Variants in MPPED2 observed in about 807,000 individuals in gnomAD.
MPPED2 encodes the protein metallophosphoesterase domain containing 2.
A neutral mutation model predicts 33.0 loss-of-function variants in MPPED2; 5 were observed. That is an observed-to-expected ratio of 0.15 (90% CI 0.08 to 0.32). The LOEUF (loss-of-function observed/expected upper bound fraction) is 0.32. Among genes scored for constraint, MPPED2 ranks in the 10% least tolerant of loss-of-function variants. The pLI, the probability that MPPED2 is intolerant of heterozygous loss-of-function variation, is 1.00. For missense variants in MPPED2, 275 were observed against 372.1 expected (o/e 0.74, Z 2.15); for synonymous variants, 136 against 141.9 (o/e 0.96, Z 0.29).
At chr11:30,578,235 T>G (rs1957014753) in intron 2 of MPPED2, among the ~76,000 whole-genome samples, 1 of 152,128 alleles carries the variant, frequency 6.6e-6, no homozygotes, top group African/African-American at 2.4e-5. Context: ...GGCACCAAGA[T>G]GGAAGGTGCT....
intron 6 of MPPED2, among the ~76,000 whole-genome samples, chr11:30,394,184 T>A (rs930040573): frequency 6.6e-5 from 10 of 152,212 alleles, no homozygotes; most frequent in Admixed American, 5.9e-4. Context: ...CTGAAGGATA[T>A]TTGGATTGTT....
At chr11:30,545,932 G>T (rs545366790) in intron 2 of MPPED2, among the ~76,000 whole-genome samples, 3 of 152,118 alleles carry the variant, frequency 2.0e-5, no homozygotes, top group African/African-American at 7.2e-5. Context: ...GCACGGTCTC[G>T]GCTCACTGCA....
chr11:30,522,012 A>G (rs1479317341), intron 3 of MPPED2, among the ~76,000 whole-genome samples: 1 of 152,226 alleles, frequency 6.6e-6, no homozygotes, highest in Non-Finnish European at 1.5e-5. Flanking sequence ...TCTCATGATT[A>G]TTAGAAATGT....
chr11:30,499,777 C>T lies in MPPED2; in HGVS notation c.311-4256G>A, dbSNP rs188378433. Among the ~76,000 whole-genome samples the T allele has an allele frequency of 1.8e-3, 275 of 152,362 alleles. 1 individual carries two copies. The highest frequency in any genetic ancestry group is 6.3e-3 in the African/African-American group (263 of 41,588). On this transcript the variant is annotated intron_variant, in intron 3 of 6. Transcript: ENST00000358117. Reference sequence around the variant, plus strand: ...ACTTCTTAAAAGAGGATTCCATAAGCTTGCTGCTGGTGGGACCAATTCAGC... The same window carrying T: ...ACTTCTTAAAAGAGGATTCCATAAGTTTGCTGCTGGTGGGACCAATTCAGC...
intron 6 of MPPED2, among the ~76,000 whole-genome samples, chr11:30,391,469 T>A (rs1488604035): frequency 6.6e-6 from 1 of 152,142 alleles, no homozygotes; most frequent in East Asian, 1.9e-4. Flanking sequence ...GGTGGGATAG[T>A]GGGCTCTCAC....
intron 3 of MPPED2, among the ~76,000 whole-genome samples, chr11:30,522,383 A>AACACAC (rs1362466768): frequency 1.1e-5 from 1 of 87,500 alleles, no homozygotes; most frequent in African/African-American, 4.5e-5. Flanking sequence ...GCTTCAGGAA[A>AACACAC]ACATACACAC....
chr11:30,545,871 A>T (rs1215109246), intron 2 of MPPED2, among the ~76,000 whole-genome samples: 2 of 151,724 alleles, frequency 1.3e-5, no homozygotes, highest in East Asian at 2.0e-4. Context: ...ATACATATAT[A>T]TATTTTTTTT....
chr11:30,519,151 G>A (rs868335541), intron 3 of MPPED2, among the ~76,000 whole-genome samples: 53 of 151,994 alleles, frequency 3.5e-4, no homozygotes, highest in African/African-American at 3.9e-4. Flanking sequence ...GCATGGTGGT[G>A]TAAAATTATG....
chr11:30,397,713 T>A (rs1947855724), intron 6 of MPPED2, among the ~76,000 whole-genome samples: 1 of 152,152 alleles, frequency 6.6e-6, no homozygotes, highest in South Asian at 2.1e-4. Flanking sequence ...CCCATTTTAA[T>A]GATGAAGAAA....
Position 30,402,210 on chromosome 11 carries a change from C to A in MPPED2, c.766+12018G>T, listed in dbSNP as rs1429062801. Among the ~76,000 whole-genome samples the A allele has an allele frequency of 2.0e-5, 3 of 152,178 alleles. No homozygotes were observed. The East Asian group carries it at 5.8e-4, about 29-fold the overall frequency. On this transcript the variant is annotated intron_variant, in intron 6 of 6. Transcript: ENST00000448418. ...TGATGTCCTCAGCATCCCAGCCAAG[C>A]TATTCACTGCAAATACTACGAACAA...
rs1460766812 is a variant in MPPED2 at position 30,489,066 on chromosome 11, T to G, written c.536+6230A>C. On this transcript the variant is annotated intron_variant, in intron 4 of 6. Coordinates refer to ENST00000358117, the MANE Select transcript of MPPED2 (RefSeq NM_001584.3). Reference sequence around the variant, plus strand: ...TTCTTCTTCTCCTTTTTTTTTTTTTTGCCTAAGTTAATTACAAAGTATGAC... The same window carrying G: ...TTCTTCTTCTCCTTTTTTTTTTTTTGGCCTAAGTTAATTACAAAGTATGAC... 7.4e-5 allele frequency among the ~76,000 whole-genome samples: 9 copies of G among 122,336 alleles called. No individual in the cohort carries two copies. The East Asian group carries it at 1.3e-3, about 17-fold the overall frequency. 80.3% of individuals were successfully genotyped at this position (122,336 alleles called of 152,430 possible).
chr11:30,520,716 T>C (rs956829248), intron 3 of MPPED2, among the ~76,000 whole-genome samples: 1 of 152,196 alleles, frequency 6.6e-6, no homozygotes, highest in Non-Finnish European at 1.5e-5. Context: ...TAATTATCAA[T>C]TTCCTTAGTC....
At chr11:30,499,504 G>C (rs1952456838) in intron 3 of MPPED2, among the ~76,000 whole-genome samples, 1 of 152,012 alleles carries the variant, frequency 6.6e-6, no homozygotes, top group African/African-American at 2.4e-5. Context: ...TTGCAAATTG[G>C]CCTCTTAATC....
At chr11:30,520,649 C>A (rs1328013060) in intron 3 of MPPED2, among the ~76,000 whole-genome samples, 2 of 152,048 alleles carry the variant, frequency 1.3e-5, no homozygotes, top group African/African-American at 2.4e-5. Context: ...GTATTTACAG[C>A]ATTTAATTTT....
At chr11:30,494,757 A>AAAAGAAAGAAAG (rs1554982031) in intron 4 of MPPED2, among the ~76,000 whole-genome samples, 1 of 120,888 alleles carries the variant, frequency 8.3e-6, no homozygotes, top group South Asian at 2.7e-4. Flanking sequence ...AAAAAAAAAA[A>AAAAGAAAGAAAG]AAAGAAAGAA....
chr11:30,510,668 A>G (rs908206031), intron 3 of MPPED2, among the ~76,000 whole-genome samples: 7 of 152,154 alleles, frequency 4.6e-5, no homozygotes, highest in African/African-American at 1.7e-4. Context: ...TTGACTCTTA[A>G]ATGGTGAAAA....
intron 3 of MPPED2, among the ~76,000 whole-genome samples, chr11:30,519,143 A>G (rs1254216844): frequency 6.6e-6 from 1 of 152,046 alleles, no homozygotes; most frequent in African/African-American, 2.4e-5. Flanking sequence ...TTAGCCAGGC[A>G]TGGTGGTGTA....
chr11:30,565,906 T>C (rs926984682), intron 2 of MPPED2, among the ~76,000 whole-genome samples: 1 of 152,140 alleles, frequency 6.6e-6, no homozygotes, highest in African/African-American at 2.4e-5. Flanking sequence ...TTAAGAATGG[T>C]TTTCAACCAC....
At chr11:30,535,938 G>C (rs1954785357) in intron 3 of MPPED2, 56 bp downstream of exon 3, 1 of 1,463,324 alleles carries the variant, frequency 6.8e-7, no homozygotes, top group Admixed American at 2.2e-5. Flanking sequence ...GACGCAGTGA[G>C]TGACACTCGG....
Sources: gnomAD v4.1 joint callset for allele counts (sites outside exome capture counted in the v4.1 genomes callset) on GRCh38, gnomAD v4.1.1 for gene constraint, MANE v1.5 for transcripts, NCBI Gene and HGNC (gene_info 2026-07-23, HGNC 2026-07-21) for gene names.